TPO: variants seen among roughly 807,000 people sequenced by gnomAD.
The protein encoded by TPO is thyroid microsomal antigen.
Under a neutral mutation model 96.9 loss-of-function variants are expected in TPO, and 78 were observed. The observed-to-expected ratio is 0.81, with a 90% CI of 0.67 to 0.97. TPO has a LOEUF of 0.97. Among genes scored for constraint, TPO ranks in the 50% least tolerant of loss-of-function variants. TPO has a pLI of 0.00. For missense variants in TPO, 1,252 were observed against 1,274.8 expected (o/e 0.98, Z 0.27); for synonymous variants, 547 against 538.0 (o/e 1.02, Z -0.23).
intron 5 of TPO, among the ~76,000 whole-genome samples, chr2:1,448,935 C>T (rs1489551617): frequency 6.6e-6 from 1 of 152,194 alleles, no homozygotes; most frequent in African/African-American, 2.4e-5. Flanking sequence ...AAATGTGCTT[C>T]CCTCCCGGAT....
intron 10 of TPO, among the ~76,000 whole-genome samples, chr2:1,489,204 G>T (rs1347184917): frequency 1.4e-5 from 2 of 144,128 alleles, no homozygotes; most frequent in Non-Finnish European, 3.0e-5. Flanking sequence ...CACATGCCCA[G>T]CACATGCCCA....
intron 1 of TPO, among the ~76,000 whole-genome samples, chr2:1,404,576 CAG>C (rs200963961): frequency 6.6e-6 from 1 of 152,208 alleles, no homozygotes; most frequent in East Asian, 1.9e-4. Flanking sequence ...CAGACACACA[CAG>C]AGGGATGACT....
Position 1,402,350 on chromosome 2 carries a change from C to A in TPO, n.180+27948C>A, listed in dbSNP as rs116879788. Among the ~76,000 whole-genome samples the A allele has an allele frequency of 1.1e-4, 16 of 152,216 alleles. No individual in the cohort carries two copies. In the East Asian group the frequency reaches 3.1e-3, roughly 30 times the overall value. ...ACAGGAAGCAAGACTGCTGGTAATG[C>A]CTGGCCCCGTGGAATCTCCAGACCC... On this transcript the variant is annotated intron_variant and non_coding_transcript_variant, in intron 1 of 5. Coordinates refer to the TPO transcript ENST00000497517.
Position 1,427,996 on chromosome 2 carries a change from C to T in TPO, c.179+4867C>T, listed in dbSNP as rs77627812. Among the ~76,000 whole-genome samples the T allele has an allele frequency of 0.013, 1,934 of 152,190 alleles. 73 individuals carry two copies. In the East Asian group the frequency reaches 0.14, roughly 11 times the overall value. On this transcript the variant is annotated intron_variant, in intron 3 of 16. Transcript: ENST00000329066. ...CAAATGAAGCTATTGGATGATGTCC[C>T]CAAACCGAGAGCGATCCAGAGAATT...
intron 1 of TPO, among the ~76,000 whole-genome samples, chr2:1,381,877 A>G (rs1661815708): frequency 6.6e-6 from 1 of 152,136 alleles, no homozygotes; most frequent in Non-Finnish European, 1.5e-5. Flanking sequence ...CCTCATTTGC[A>G]AAATTAGAAT....
At chr2:1,447,815 A>G (rs555638813) in intron 5 of TPO, among the ~76,000 whole-genome samples, 36 of 152,298 alleles carry the variant, frequency 2.4e-4, no homozygotes, top group Admixed American at 3.9e-4. Context: ...CCATGCCTAT[A>G]TCATGAATCG....
chr2:1,382,960 G>A (rs1164508185), intron 1 of TPO, among the ~76,000 whole-genome samples: 2 of 144,232 alleles, frequency 1.4e-5, no homozygotes, highest in Non-Finnish European at 3.0e-5. Context: ...CCACCTATGA[G>A]TGAGAACATA....
chr2:1,412,126 C>G (rs1662405065), upstream of TPO, among the ~76,000 whole-genome samples: 1 of 152,244 alleles, frequency 6.6e-6, no homozygotes, highest in Non-Finnish European at 1.5e-5. Context: ...GAGCTCACTG[C>G]CCGCCTGTGC....
intron 7 of TPO, among the ~76,000 whole-genome samples, chr2:1,470,706 G>T (rs1406978838): frequency 6.6e-6 from 1 of 152,056 alleles, no homozygotes; most frequent in Non-Finnish European, 1.5e-5. Flanking sequence ...TAGATAAAGG[G>T]CATGATTCTG....
At chr2:1,529,484 AGCAACCTCCCCAAATCCCACTTGTT>A (rs1253201816) in intron 15 of TPO, among the ~76,000 whole-genome samples, 2 of 67,126 alleles carry the variant, frequency 3.0e-5, no homozygotes, top group Non-Finnish European at 5.2e-5. Flanking sequence ...CCCCACTGTG[AGCAACCTCCCCAAATCCCACTTGTT>A]GCAACCTCCC....
At position 1,493,868 on chromosome 2, in the gene TPO, C is replaced by T; in HGVS notation, c.1835C>T (p.Ala612Val). 1 of 1,614,188 alleles carries T rather than the reference C, an allele frequency of 6.2e-7. No homozygotes were observed. The highest frequency in any genetic ancestry group is 1.3e-5 in the African/African-American group (1 of 75,066). ...RLETPADLST[A>V]IASRSVADKI... ...GAGACCCCCGCTGACCTGAGCACAG[C>T]CATCGCCAGCAGGAGCGTGGCCGAC... The change falls in exon 11 of 17, where the codon GCC becomes GTC. Residue 612 changes from alanine to valine, a missense_variant. Transcript: ENST00000329066.
chr2:1,385,990 G>T (rs1485949163), intron 1 of TPO, among the ~76,000 whole-genome samples: 4 of 152,156 alleles, frequency 2.6e-5, no homozygotes, highest in Admixed American at 6.5e-5. Flanking sequence ...TCATTCAGGA[G>T]CAGGTTGTTC....
At chr2:1,524,191 C>CCTGTGTGCAACCTCCTCAAATCCACCCCA (rs1330437558) in intron 15 of TPO, among the ~76,000 whole-genome samples, 1 of 124,948 alleles carries the variant, frequency 8.0e-6, no homozygotes, top group African/African-American at 3.1e-5. Context: ...AAATCCCCAT[C>CCTGTGTGCAACCTCCTCAAATCCACCCCA]CTGTGTGCAA....
At chr2:1,386,168 T>C (rs560659095) in intron 1 of TPO, among the ~76,000 whole-genome samples, 3 of 152,292 alleles carry the variant, frequency 2.0e-5, no homozygotes, top group African/African-American at 7.2e-5. Context: ...GCGGGTGTGG[T>C]GTGGAGAAGA....
chr2:1,514,363 G>T (rs948170503), intron 14 of TPO, among the ~76,000 whole-genome samples: 2 of 152,180 alleles, frequency 1.3e-5, no homozygotes, highest in Non-Finnish European at 2.9e-5. Context: ...TAATCTGGGC[G>T]CCTGTGCTCC....
intron 14 of TPO, among the ~76,000 whole-genome samples, chr2:1,506,082 T>C (rs1673429407): frequency 6.6e-6 from 1 of 151,714 alleles, no homozygotes. Flanking sequence ...TTCCCCTTCC[T>C]GTGTCCATGT....
At chr2:1,473,845 C>G (rs1003989032) in intron 7 of TPO, among the ~76,000 whole-genome samples, 16 of 152,020 alleles carry the variant, frequency 1.1e-4, no homozygotes, top group Non-Finnish European at 1.9e-4. Flanking sequence ...AGGAAAAGAA[C>G]AGTTTTATAC....
intron 13 of TPO, among the ~76,000 whole-genome samples, chr2:1,497,438 G>A (rs544657567): frequency 2.2e-4 from 33 of 152,306 alleles, no homozygotes; most frequent in South Asian, 4.1e-4. Context: ...CCTCTGCGGG[G>A]AACAGCAGAA....
chr2:1,530,480 C>G (rs1573596294), intron 15 of TPO, among the ~76,000 whole-genome samples: 1 of 145,982 alleles, frequency 6.9e-6, no homozygotes. Context: ...GCAACATCCT[C>G]AAATCCCCCT....
Sources: allele counts gnomAD v4.1 joint callset (sites outside exome capture counted in the v4.1 genomes callset), GRCh38; gene constraint gnomAD v4.1.1; transcripts MANE v1.5; gene names NCBI Gene and HGNC (gene_info 2026-07-23, HGNC 2026-07-21).